LHFPL3: variants seen among roughly 807,000 people sequenced by gnomAD.
LHFPL3 encodes the protein LHFPL tetraspan subfamily member 3 protein.
LHFPL3 carries 5 observed loss-of-function variants against 19.3 expected under a neutral mutation model. The observed-to-expected ratio is 0.26, with a 90% CI of 0.14 to 0.54. LHFPL3 has a LOEUF of 0.54. Among genes scored for constraint, LHFPL3 ranks in the 20% least tolerant of loss-of-function variants. The pLI, the probability that LHFPL3 is intolerant of heterozygous loss-of-function variation, is 0.94. For synonymous variants in LHFPL3, 133 were observed against 126.2 expected (o/e 1.05, Z -0.36); for missense variants, 249 against 307.4 (o/e 0.81, Z 1.42).
In LHFPL3 at chr7:104,887,825, C is replaced by T. The variant is rs552400727; in HGVS notation, c.683-18362C>T. ...AATGCTGGAAAGAGTTCAATGAGAGCTGAAATCCTGGAAATATGTTTAGAA... is the reference window on the plus strand; with the variant it reads ...AATGCTGGAAAGAGTTCAATGAGAGTTGAAATCCTGGAAATATGTTTAGAA... On this transcript the variant is annotated intron_variant, in intron 2 of 2. Coordinates refer to ENST00000424859, the MANE Select transcript of LHFPL3 (RefSeq NM_199000.3). Among the ~76,000 whole-genome samples the T allele has an allele frequency of 1.2e-3, 179 of 152,314 alleles. 1 individual carries two copies. The highest frequency in any genetic ancestry group is 2.0e-3 in the Non-Finnish European group (135 of 68,024).
chr7:104,643,989 C>T (rs1032183691), intron 1 of LHFPL3, among the ~76,000 whole-genome samples: 45 of 152,264 alleles, frequency 3.0e-4, no homozygotes, highest in African/African-American at 1.1e-3. Context: ...GCATCATTAA[C>T]GGATGTCAAC....
At chr7:104,384,067 T>A (rs909484369) in intron 1 of LHFPL3, among the ~76,000 whole-genome samples, 18 of 152,138 alleles carry the variant, frequency 1.2e-4, no homozygotes, top group African/African-American at 3.9e-4. Flanking sequence ...AAATTTTGAA[T>A]AATTGGAGCA....
chr7:104,683,804 G>C (rs900638703), intron 1 of LHFPL3, among the ~76,000 whole-genome samples: 4 of 152,120 alleles, frequency 2.6e-5, no homozygotes, highest in African/African-American at 7.2e-5. Flanking sequence ...GGTCAGAATT[G>C]ACATTTGTAC....
At chr7:104,733,363 C>A (rs755442843) in intron 1 of LHFPL3, among the ~76,000 whole-genome samples, 6 of 152,120 alleles carry the variant, frequency 3.9e-5, no homozygotes, top group African/African-American at 4.8e-5. Flanking sequence ...GTCTAAGTCT[C>A]TTTGTAGGTC....
At chr7:104,898,875 G>A (rs775530213) in intron 2 of LHFPL3, among the ~76,000 whole-genome samples, 18 of 152,016 alleles carry the variant, frequency 1.2e-4, no homozygotes, top group Non-Finnish European at 2.1e-4. Flanking sequence ...TCAGCACTTC[G>A]GGAGGCTGAG....
chr7:104,507,777 C>T lies in LHFPL3; in HGVS notation c.445+178553C>T, dbSNP rs556110518. On this transcript the variant is annotated intron_variant, in intron 1 of 2. Coordinates refer to ENST00000424859, the MANE Select transcript of LHFPL3 (RefSeq NM_199000.3). ...AAATTTACAAGAAAAAAACAAACAA[C>T]CCCATCAAAAAGTGGGTGAAGGACA... is the stretch of plus-strand genomic sequence containing the variant. 8.7e-4 allele frequency among the ~76,000 whole-genome samples: 116 copies of T among 133,690 alleles called. No homozygotes were observed. The Middle Eastern group carries it at 0.019, about 22-fold the overall frequency. The allele number at this position is 133,690 out of a possible 152,430, so 87.7% of individuals were successfully genotyped here.
intron 1 of LHFPL3, among the ~76,000 whole-genome samples, chr7:104,587,789 C>T (rs1445424819): frequency 2.0e-5 from 3 of 151,932 alleles, no homozygotes; most frequent in Admixed American, 6.6e-5. Flanking sequence ...CTGTTGTTTC[C>T]TGACTTTTTA....
At chr7:104,570,950 T>C (rs1584409604) in intron 1 of LHFPL3, among the ~76,000 whole-genome samples, 1 of 152,212 alleles carries the variant, frequency 6.6e-6, no homozygotes. Context: ...ATATTGGCTG[T>C]TATTATTTTG....
At chr7:104,437,453 G>A (rs991401407) in intron 1 of LHFPL3, among the ~76,000 whole-genome samples, 1 of 152,078 alleles carries the variant, frequency 6.6e-6, no homozygotes, top group Admixed American at 6.6e-5. Flanking sequence ...ATTCAATTCT[G>A]ACACTAAGCA....
At chr7:104,774,439 T>G (rs1392554975) in intron 2 of LHFPL3, among the ~76,000 whole-genome samples, 3 of 152,176 alleles carry the variant, frequency 2.0e-5, no homozygotes, top group Non-Finnish European at 4.4e-5. Flanking sequence ...TCATTATCAC[T>G]CAGCTAATAA....
At position 104,378,088 on chromosome 7, in the gene LHFPL3, T is replaced by C. The variant is rs1462016537; in HGVS notation, c.445+48864T>C. On this transcript the variant is annotated intron_variant, in intron 1 of 2. Transcript: ENST00000424859. ...GCATCCAGTTCAAATGTACAGTTTA[T>C]AGAGTTTTATTTCATTTTTTCAATT... Among the ~76,000 whole-genome samples, 6 of 152,218 alleles carry C rather than the reference T, an allele frequency of 3.9e-5. No homozygotes were observed. In the East Asian group the frequency reaches 9.6e-4, roughly 24 times the overall value.
chr7:104,654,846 C>A (rs1283923818), intron 1 of LHFPL3, among the ~76,000 whole-genome samples: 1 of 152,210 alleles, frequency 6.6e-6, no homozygotes, highest in Non-Finnish European at 1.5e-5. Flanking sequence ...CAGCCCCTTC[C>A]TCTAGTGTAG....
At chr7:104,865,241 T>G (rs1160634491) in intron 2 of LHFPL3, among the ~76,000 whole-genome samples, 4 of 151,534 alleles carry the variant, frequency 2.6e-5, no homozygotes, top group African/African-American at 9.7e-5. Context: ...CTTTGACGAG[T>G]TGAGAGAAGA....
At chr7:104,581,297 T>A (rs62487565) in intron 1 of LHFPL3, among the ~76,000 whole-genome samples, 4 of 152,118 alleles carry the variant, frequency 2.6e-5, no homozygotes, top group Non-Finnish European at 5.9e-5. Context: ...CTTTTTCATG[T>A]GCTTATTGCC....
chr7:104,608,588 T>C (rs1317452606), intron 1 of LHFPL3, among the ~76,000 whole-genome samples: 1 of 151,718 alleles, frequency 6.6e-6, no homozygotes, highest in East Asian at 1.9e-4. Flanking sequence ...ATGGCACATG[T>C]ATACATATGT....
chr7:104,760,186 C>T (rs1337370760), intron 2 of LHFPL3, among the ~76,000 whole-genome samples: 1 of 152,136 alleles, frequency 6.6e-6, no homozygotes, highest in African/African-American at 2.4e-5. Context: ...CTTTAAGAAC[C>T]CCTGCTGTAT....
chr7:104,692,209 G>A (rs1043861138), intron 1 of LHFPL3, among the ~76,000 whole-genome samples: 2 of 152,234 alleles, frequency 1.3e-5, no homozygotes, highest in Non-Finnish European at 2.9e-5. Flanking sequence ...TGGAACTTAT[G>A]TTTAAAAGGG....
At chr7:104,479,107 G>C (rs1382404307) in intron 1 of LHFPL3, among the ~76,000 whole-genome samples, 2 of 152,142 alleles carry the variant, frequency 1.3e-5, no homozygotes, top group African/African-American at 4.8e-5. Context: ...CATGTGGTGG[G>C]AAAGGACTTC....
At chr7:104,614,737 T>TTCTTTC (rs1658037492) in intron 1 of LHFPL3, among the ~76,000 whole-genome samples, 2 of 133,216 alleles carry the variant, frequency 1.5e-5, no homozygotes, top group African/African-American at 5.7e-5. Context: ...CTTTCTTTCT[T>TTCTTTC]TCTCTTTCTC....
Sources: gnomAD v4.1 joint callset for allele counts (sites outside exome capture counted in the v4.1 genomes callset) on GRCh38, gnomAD v4.1.1 for gene constraint, MANE v1.5 for transcripts, NCBI Gene and HGNC (gene_info 2026-07-23, HGNC 2026-07-21) for gene names.